YIPF5: variants seen among roughly 807,000 people sequenced by gnomAD.
YIPF5 encodes protein YIPF5.
A neutral mutation model predicts 30.4 loss-of-function variants in YIPF5; 8 were observed. The observed-to-expected ratio is 0.26, with a 90% CI of 0.15 to 0.47. YIPF5 has a LOEUF of 0.47. Among genes scored for constraint, YIPF5 ranks in the 20% least tolerant of loss-of-function variants. The pLI is 0.99. For missense variants in YIPF5, 282 were observed against 301.8 expected, an observed-to-expected ratio of 0.93 and a Z score of 0.49; for synonymous variants, 104 against 107.9, an observed-to-expected ratio of 0.96 and a Z score of 0.23.
chr5:144,165,646 C>T, intron 2 of YIPF5, 42 bp from the exon 3 acceptor site: 6 of 1,602,908 alleles, frequency 3.7e-6, no homozygotes, highest in Non-Finnish European at 5.1e-6. Context: ...GGTATTTCAA[C>T]TCTGTACAGT....
rs1280544836 is a variant in YIPF5 at position 144,164,228 on chromosome 5, C to T, written c.312G>A (p.Trp104Ter). 6.2e-7 allele frequency: 1 copy of T among 1,608,408 alleles called. No homozygotes were observed. The highest frequency in any genetic ancestry group is 8.5e-7 in the Non-Finnish European group (1 of 1,177,360). Residue 104 changes from tryptophan (W) to a stop codon, truncating the protein, a stop_gained, in exon 4 of 6, where the codon TGG becomes TGA. Transcript: ENST00000274496. LOFTEE classifies it high-confidence loss of function. ...GATGTAATACTGTTAGTGTTTTTTG[C>T]CAGATGTGGTCAAAATTGATACCTA... is the stretch of plus-strand genomic sequence containing the variant. ...EELGINFDHI[W>*]QKTLTVLHPL... is the part of the protein sequence containing the mutation.
chr5:144,160,063 G>A lies in YIPF5; in HGVS notation c.*334C>T. 3.0e-6 allele frequency: 3 copies of A among 1,005,432 alleles called. No homozygotes were observed. Among genetic ancestry groups the A allele is most frequent in the Non-Finnish European group, 3.6e-6 (3 of 843,476 alleles). The allele number at this position is 1,005,432 out of a possible 1,614,324, so 62.3% of individuals were successfully genotyped here. ...GTTTTTAAGAAAGGTTATCAGCTTT[G>A]TGTTTGGTTTCCCACAGTTGATAAA... On this transcript the variant is annotated 3_prime_UTR_variant, in exon 6 of 6. Coordinates refer to ENST00000274496, the MANE Select transcript of YIPF5 (RefSeq NM_030799.9).
intron 5 of YIPF5, 102 bp downstream of exon 5, chr5:144,162,116 G>T: frequency 1.6e-6 from 2 of 1,279,518 alleles, no homozygotes; most frequent in Non-Finnish European, 2.2e-6. Flanking sequence ...GGCACTATCT[G>T]ATATGTTTGC....
At position 144,170,438 on chromosome 5, in the gene YIPF5, G is replaced by C. The variant is rs532391567; in HGVS notation, c.-11+97C>G. The C allele has an allele frequency of 1.2e-4, 20 of 168,164 alleles. 1 individual carries two copies. The highest frequency in any genetic ancestry group is 2.3e-4 in the Non-Finnish European group (18 of 77,908). The allele number at this position is 168,164 out of a possible 1,614,324, so 10.4% of individuals were successfully genotyped here. A position where few individuals can be genotyped will look rare whatever the true frequency, so the allele number is the denominator to read the frequency against. ...CTTGAATGAGAGCGAGGGTCTGAGCGAAAGGACCAGGGCGCGGCGCCGAAA... is the reference window on the plus strand; with the variant it reads ...CTTGAATGAGAGCGAGGGTCTGAGCCAAAGGACCAGGGCGCGGCGCCGAAA... On this transcript the variant is annotated intron_variant, in intron 1 of 5. Transcript: ENST00000274496.
intron 2 of YIPF5, among the ~76,000 whole-genome samples, chr5:144,166,432 C>A: frequency 6.6e-6 from 1 of 152,040 alleles, no homozygotes; most frequent in Non-Finnish European, 1.5e-5. Context: ...TGGGACTAAT[C>A]TAATGATATA....
intron 4 of YIPF5, 120 bp from the exon 5 acceptor site, chr5:144,162,519 ATTC>A: frequency 1.2e-6 from 1 of 869,056 alleles, no homozygotes; most frequent in South Asian, 1.8e-5. Context: ...TAATCTATCT[ATTC>A]TTTACGTAGA....
At chr5:144,160,584 G>A (rs1331688661) in intron 5 of YIPF5, 25 bp from the exon 6 acceptor site, 4 of 1,576,192 alleles carry the variant, frequency 2.5e-6, no homozygotes, top group African/African-American at 2.7e-5. Context: ...GAAAAAGGGG[G>A]GAGAAGAAAA....
chr5:144,160,204 C>T lies in YIPF5; in HGVS notation c.*193G>A, dbSNP rs540137587. 528 of 1,333,242 alleles carry T rather than the reference C, an allele frequency of 4.0e-4. 4 individuals carry two copies. The African/African-American group carries it at 5.8e-3, about 15-fold the overall frequency. 82.6% of individuals were successfully genotyped at this position (1,333,242 alleles called of 1,614,324 possible). A position where few individuals can be genotyped will look rare whatever the true frequency, so the allele number is the denominator to read the frequency against. On this transcript the variant is annotated 3_prime_UTR_variant, in exon 6 of 6. Transcript: ENST00000274496. ...CACAAACATTTAAAGCTAGTCACAC[C>T]GCAGGTAAATCCAATATAGTATGCA...
chr5:144,169,681 C>G (rs988910937), intron 2 of YIPF5, among the ~76,000 whole-genome samples, 165 bp downstream of exon 2: 2 of 152,192 alleles, frequency 1.3e-5, no homozygotes, highest in Non-Finnish European at 2.9e-5. Flanking sequence ...ACCTTCGAAG[C>G]CAAGCCAGTG....
In YIPF5 at chr5:144,162,231, T is replaced by A; in HGVS notation, c.598A>T (p.Ile200Leu). 1.2e-6 allele frequency: 2 copies of A among 1,613,816 alleles called. No homozygotes were observed. Among genetic ancestry groups the A allele is most frequent in the South Asian group, 1.1e-5 (1 of 91,050 alleles). Residue 200 changes from isoleucine to leucine, a missense_variant, in exon 5 of 6, where the codon ATA (isoleucine) becomes TTA (leucine). Ile to Leu is a conservative substitution (Grantham distance 5, BLOSUM62 2). Transcript: ENST00000274496. ...AACAGTACTTACTGCAAAGAAAATA[T>A]CACTGCAAAGCTGGAAAGTAGGATC... is the stretch of plus-strand genomic sequence containing the variant. ...PMILLSSFAV[I>L]FSLQGMVGII...
intron 4 of YIPF5, 55 bp downstream of exon 4, chr5:144,164,056 A>G (rs938800031): frequency 1.4e-5 from 22 of 1,589,810 alleles, no homozygotes; most frequent in Non-Finnish European, 1.9e-5. Flanking sequence ...TAGAACATTT[A>G]AAATTTAAAG....
At position 144,158,693 on chromosome 5, in the gene YIPF5, C is replaced by T. The variant is rs953268954; in HGVS notation, c.*1704G>A. On this transcript the variant is annotated 3_prime_UTR_variant, in exon 6 of 6. Coordinates refer to ENST00000274496, the MANE Select transcript of YIPF5 (RefSeq NM_030799.9). Reference sequence around the variant, plus strand: ...GTTGGAAAGCCTATCAAATTACCTTCCAAATTGCTTTTTTAAAGCAATTTG... The same window carrying T: ...GTTGGAAAGCCTATCAAATTACCTTTCAAATTGCTTTTTTAAAGCAATTTG... 1 of 1,017,360 alleles carries T rather than the reference C, an allele frequency of 9.8e-7. No individual in the cohort carries two copies. Among genetic ancestry groups the T allele is most frequent in the Non-Finnish European group, 1.2e-6 (1 of 851,180 alleles). The allele number at this position is 1,017,360 out of a possible 1,614,324, so 63.0% of individuals were successfully genotyped here. A position where few individuals can be genotyped will look rare whatever the true frequency, so the allele number is the denominator to read the frequency against.
chr5:144,162,144 T>A, intron 5 of YIPF5, 74 bp downstream of exon 5: 2 of 1,491,530 alleles, frequency 1.3e-6, no homozygotes, highest in Non-Finnish European at 1.8e-6. Flanking sequence ...GTGATTTATC[T>A]CAAACTGAAG....
At chr5:144,164,792 G>C (rs988765513) in intron 3 of YIPF5, among the ~76,000 whole-genome samples, 2 of 152,090 alleles carry the variant, frequency 1.3e-5, no homozygotes, top group African/African-American at 4.8e-5. Context: ...TGTTGGAAAA[G>C]GGTATGGATC....
Position 144,158,552 on chromosome 5 carries a change from C to T in YIPF5, c.*1845G>A. On this transcript the variant is annotated 3_prime_UTR_variant, in exon 6 of 6. Transcript: ENST00000274496. The stretch of plus-strand genomic sequence containing the variant: ...CAAAGCATCTTCTACCGTTTATTAG[C>T]AATATTTGGATATTAAGGGAAGACA... The T allele has an allele frequency of 1.7e-6, 2 of 1,178,030 alleles. No homozygotes were observed. The highest frequency in any genetic ancestry group is 8.0e-5 in the East Asian group (1 of 12,476). The allele number at this position is 1,178,030 out of a possible 1,614,324, so 73.0% of individuals were successfully genotyped here. A position where few individuals can be genotyped will look rare whatever the true frequency, so the allele number is the denominator to read the frequency against.
chr5:144,169,980 A>C lies in YIPF5; in HGVS notation c.-10-15T>G. 1 of 1,598,160 alleles carries C rather than the reference A, an allele frequency of 6.3e-7. No homozygotes were observed. The highest frequency in any genetic ancestry group is 2.2e-5 in the East Asian group (1 of 44,808). On this transcript the variant is annotated splice_polypyrimidine_tract_variant and intron_variant, in intron 1 of 5. Coordinates refer to ENST00000274496, the MANE Select transcript of YIPF5 (RefSeq NM_030799.9). Reference sequence around the variant, plus strand: ...TTGCAAATAATCTGTAATAAAAGAGAAATGGCAAATATTCCTTATGCCCAA... The same window carrying C: ...TTGCAAATAATCTGTAATAAAAGAGCAATGGCAAATATTCCTTATGCCCAA...
Position 144,162,289 on chromosome 5 carries a change from C to A in YIPF5, c.540G>T (p.Val180=), listed in dbSNP as rs1158360988. 1 of 1,614,034 alleles carries A rather than the reference C, an allele frequency of 6.2e-7. No homozygotes were observed. The highest frequency in any genetic ancestry group is 8.5e-7 in the Non-Finnish European group (1 of 1,179,978). The change falls in exon 5 of 6, where the codon GTG becomes GTT. Residue 180 remains valine, a synonymous_variant. Transcript: ENST00000274496. ...GAAGACAATATCCAAGGACACTTGC[C>A]ACACAACCAAATGAAACACCTGTCA... ...MSMTGVSFGC[V]ASVLGYCLLP...
chr5:144,164,428 C>G (rs186916342), intron 3 of YIPF5, among the ~76,000 whole-genome samples, 172 bp from the exon 4 acceptor site: 287 of 152,162 alleles, frequency 1.9e-3, no homozygotes, highest in African/African-American at 6.5e-3. Context: ...CTCCATCACC[C>G]AGGCTGGAGT....
chr5:144,158,684 A>G lies in YIPF5; in HGVS notation c.*1713T>C. 7.8e-6 allele frequency: 8 copies of G among 1,020,826 alleles called. No homozygotes were observed. Among genetic ancestry groups the G allele is most frequent in the Non-Finnish European group, 9.4e-6 (8 of 853,238 alleles). 63.2% of individuals were successfully genotyped at this position (1,020,826 alleles called of 1,614,324 possible). On this transcript the variant is annotated 3_prime_UTR_variant, in exon 6 of 6. Coordinates refer to ENST00000274496, the MANE Select transcript of YIPF5 (RefSeq NM_030799.9). Reference sequence around the variant, plus strand: ...TTTGGTTAAGTTGGAAAGCCTATCAAATTACCTTCCAAATTGCTTTTTTAA... The same window carrying G: ...TTTGGTTAAGTTGGAAAGCCTATCAGATTACCTTCCAAATTGCTTTTTTAA...
Sources: allele counts gnomAD v4.1 joint callset (sites outside exome capture counted in the v4.1 genomes callset), GRCh38; gene constraint gnomAD v4.1.1; transcripts MANE v1.5; gene names NCBI Gene and HGNC (gene_info 2026-07-23, HGNC 2026-07-21).